BICRA: variants seen among roughly 807,000 people sequenced by gnomAD.
BICRA encodes the protein BRD4 interacting chromatin remodeling complex associated protein.
BICRA carries 31 observed loss-of-function variants against 96.9 expected under a neutral mutation model. The ratio of observed to expected loss-of-function variants is 0.32; its 90% CI spans 0.24 to 0.43. BICRA has a LOEUF of 0.43. Among genes scored for constraint, BICRA ranks in the 20% least tolerant of loss-of-function variants. The pLI is 1.00. For missense variants in BICRA, 2,283 were observed against 2,190.3 expected (o/e 1.04, Z -0.84); for synonymous variants, 1,350 against 1,071.8 (o/e 1.26, Z -5.07).
intron 1 of BICRA, among the ~76,000 whole-genome samples, chr19:47,621,971 ATT>A (rs780782517): frequency 7.8e-6 from 1 of 128,912 alleles, no homozygotes; most frequent in Non-Finnish European, 1.7e-5. Context: ...TTTGTACTTT[ATT>A]TTTTTTTTTT....
Position 47,694,296 on chromosome 19 carries a change from G to GCCCCCCCCCCCCCCCC in BICRA, c.2471_2472insCCCCCCCCCCCCCCCC (p.Gln826ProfsTer50). ...CCCTCAGAGCCACCCTTGCACCCTT[G>GCCCCCCCCCCCCCCCC]CCCCCCACCCCAGGCCCCCCCAACT... On this transcript the variant is annotated frameshift_variant, in exon 8 of 15. Coordinates refer to ENST00000594866, the MANE Select transcript of BICRA (RefSeq NM_001394372.1). LOFTEE classifies it high-confidence loss of function. 1.6e-6 allele frequency: 1 copy of GCCCCCCCCCCCCCCCC among 628,912 alleles called. No homozygotes were observed. The highest frequency in any genetic ancestry group is 1.9e-5 in the South Asian group (1 of 51,996). The allele number at this position is 628,912 out of a possible 1,614,324, so 39.0% of individuals were successfully genotyped here. A position where few individuals can be genotyped will look rare whatever the true frequency, so the allele number is the denominator to read the frequency against.
At chr19:47,677,953 A>G (rs961601258) in intron 5 of BICRA, among the ~76,000 whole-genome samples, 2 of 152,172 alleles carry the variant, frequency 1.3e-5, no homozygotes, top group Admixed American at 1.3e-4. Flanking sequence ...ATGTGGATAA[A>G]TGGATCCCAC....
rs1308549813 is a variant in BICRA, at chr19:47,626,709, C to A, written c.-108+17541C>A. Among the ~76,000 whole-genome samples, 3 of 136,030 alleles carry A rather than the reference C, an allele frequency of 2.2e-5. No homozygotes were observed. The South Asian group carries it at 7.2e-4, about 33-fold the overall frequency. The allele number at this position is 136,030 out of a possible 152,430, so 89.2% of individuals were successfully genotyped here. On this transcript the variant is annotated intron_variant, in intron 1 of 14. Coordinates refer to ENST00000594866, the MANE Select transcript of BICRA (RefSeq NM_001394372.1). ...AGGCATGAGCTACCACGTCCAGCTG[C>A]ATCCTGGGTTTTTTTTTTTTTTTTT...
chr19:47,661,702 C>T (rs764740212), intron 1 of BICRA: 1 of 152,088 alleles, frequency 6.6e-6, no homozygotes, highest in Non-Finnish European at 1.5e-5. Context: ...GAATAGTGGT[C>T]ATGGACAGGA....
At chr19:47,624,894 A>C (rs996172787) in intron 1 of BICRA, among the ~76,000 whole-genome samples, 7 of 147,510 alleles carry the variant, frequency 4.7e-5, no homozygotes, top group Non-Finnish European at 1.0e-4. Context: ...AGGTTTCACT[A>C]TGTTGCCCAG....
chr19:47,702,157 C>T lies in BICRA; in HGVS notation c.4425C>T (p.Arg1475=), dbSNP rs753655936. 6.4e-7 allele frequency: 1 copy of T among 1,563,190 alleles called. No individual in the cohort carries two copies. Among genetic ancestry groups the T allele is most frequent in the South Asian group, 1.2e-5 (1 of 85,992 alleles). ...CCGGGCTGCCCCCTGCCAAGCGGCG[C>T]AAGTCCGAGTCGCCCGACGTGGACC... ...EAPGLPPAKR[R]KSESPDVDQA... The change falls in exon 15 of 15, where the codon CGC becomes CGT. Residue 1475 remains arginine (R), a synonymous_variant. Transcript: ENST00000594866.
chr19:47,698,586 T>TGTGGTGGCTCCCCCTTCCCC lies in BICRA; in HGVS notation c.3249-48_3249-47insGTGGTGGCTCCCCCTTCCCC. Reference sequence around the variant, plus strand: ...AGGGACTTCCCCTGGCCCTCACCCGTCCCCCCCACCCTCCGCCGTGTGTGG... The same window carrying TGTGGTGGCTCCCCCTTCCCC: ...AGGGACTTCCCCTGGCCCTCACCCGTGTGGTGGCTCCCCCTTCCCCCCCCCCCACCCTCCGCCGTGTGTGG... On this transcript the variant is annotated intron_variant, in intron 11 of 14. Coordinates refer to ENST00000594866, the MANE Select transcript of BICRA (RefSeq NM_001394372.1). This position sits in a 1 kb window ranked among gnomAD's most constrained non-coding sequence, Gnocchi z 4.8. 1 of 716,714 alleles carries TGTGGTGGCTCCCCCTTCCCC rather than the reference T, an allele frequency of 1.4e-6. No individual in the cohort carries two copies. Among genetic ancestry groups the TGTGGTGGCTCCCCCTTCCCC allele is most frequent in the East Asian group, 2.9e-5 (1 of 34,894 alleles). 44.4% of individuals were successfully genotyped at this position (716,714 alleles called of 1,614,324 possible). A position where few individuals can be genotyped will look rare whatever the true frequency, so the allele number is the denominator to read the frequency against.
intron 7 of BICRA, among the ~76,000 whole-genome samples, chr19:47,686,857 C>A (rs1253794297): frequency 6.6e-6 from 1 of 152,030 alleles, no homozygotes; most frequent in Non-Finnish European, 1.5e-5. Flanking sequence ...ACTTACAGGC[C>A]CTGTGACCTT....
At position 47,698,523 on chromosome 19, in the gene BICRA, C is replaced by A; in HGVS notation, c.3249-111C>A. 1 of 678,284 alleles carries A rather than the reference C, an allele frequency of 1.5e-6. No individual in the cohort carries two copies. The highest frequency in any genetic ancestry group is 2.5e-5 in the East Asian group (1 of 40,084). The allele number at this position is 678,284 out of a possible 1,614,324, so 42.0% of individuals were successfully genotyped here. ...ACCACTGCCCAAGTATTCCCCTTCCCGCTGTTGTGTTCAGTTGCGGCCTGG... is the reference window on the plus strand; with the variant it reads ...ACCACTGCCCAAGTATTCCCCTTCCAGCTGTTGTGTTCAGTTGCGGCCTGG... On this transcript the variant is annotated intron_variant, in intron 11 of 14. Transcript: ENST00000594866. The surrounding 1 kb of genome is among the most constrained non-coding windows in gnomAD (Gnocchi z 4.8).
intron 6 of BICRA, among the ~76,000 whole-genome samples, chr19:47,681,588 C>T (rs113858723): frequency 6.6e-6 from 1 of 152,204 alleles, no homozygotes; most frequent in Admixed American, 6.5e-5. Context: ...AGGGTAGGCA[C>T]TGGCTGGGCT....
chr19:47,647,479 G>C (rs1972476845), intron 1 of BICRA, among the ~76,000 whole-genome samples: 1 of 152,108 alleles, frequency 6.6e-6, no homozygotes, highest in African/African-American at 2.4e-5. Flanking sequence ...GGTTGTTTCA[G>C]TTTAGGGGTG....
intron 1 of BICRA, among the ~76,000 whole-genome samples, chr19:47,618,511 G>T (rs190093201): frequency 1.4e-3 from 217 of 152,240 alleles, no homozygotes; most frequent in Non-Finnish European, 2.5e-3. Context: ...TACTCTTGAG[G>T]TTGGGGACAA....
rs377108443 is a variant in BICRA, at chr19:47,682,021, G to T, written c.2152G>T (p.Val718Leu). ...CTCCGCAGAGGGCCCCCACCTCTCCGTGCCTGCCTCGGTCATAGTCAGCGC... is the reference window on the plus strand; with the variant it reads ...CTCCGCAGAGGGCCCCCACCTCTCCTTGCCTGCCTCGGTCATAGTCAGCGC... Reference protein sequence around the residue: ...PLSAEGPHLSVPASVIVSAPP... With the variant: ...PLSAEGPHLSLPASVIVSAPP... Residue 718 changes from valine (V) to leucine (L), a missense_variant, in exon 7 of 15, where the codon GTG (valine) becomes TTG (leucine). Physicochemically the swap from Val to Leu is conservative, Grantham distance 32 (BLOSUM62 1). Transcript: ENST00000594866. The T allele has an allele frequency of 1.0e-5, 16 of 1,571,620 alleles. No individual in the cohort carries two copies. Among genetic ancestry groups the T allele is most frequent in the Non-Finnish European group, 1.2e-5 (14 of 1,162,630 alleles).
rs141802949 is a variant in BICRA at position 47,685,799 on chromosome 19, G to GCGCGCGCGCGCGCGCA, written c.2283+3648_2283+3649insGCGCGCGCGCGCGCAC. ...TGTGTGTGTGTGTGCGCGCGCGCGC[G>GCGCGCGCGCGCGCGCA]CATGCGTACATTTTCCCTTTGTGTT... On this transcript the variant is annotated intron_variant, in intron 7 of 14. Coordinates refer to ENST00000594866, the MANE Select transcript of BICRA (RefSeq NM_001394372.1). 6.0e-4 allele frequency among the ~76,000 whole-genome samples: 89 copies of GCGCGCGCGCGCGCGCA among 148,724 alleles called. 1 individual carries two copies. The highest frequency in any genetic ancestry group is 1.0e-3 in the Non-Finnish European group (67 of 66,886).
chr19:47,702,550 A>G lies in BICRA; in HGVS notation c.*135A>G. On this transcript the variant is annotated 3_prime_UTR_variant, in exon 15 of 15. Coordinates refer to ENST00000594866, the MANE Select transcript of BICRA (RefSeq NM_001394372.1). Reference sequence around the variant, plus strand: ...TCTTGCCTAAGTTATTTGAGTCACAAAGGCCTCCTTCCCTGCCGCCTGCTT... The same window carrying G: ...TCTTGCCTAAGTTATTTGAGTCACAGAGGCCTCCTTCCCTGCCGCCTGCTT... 1 of 1,046,726 alleles carries G rather than the reference A, an allele frequency of 9.6e-7. No homozygotes were observed. The highest frequency in any genetic ancestry group is 1.3e-6 in the Non-Finnish European group (1 of 775,342). The allele number at this position is 1,046,726 out of a possible 1,614,324, so 64.8% of individuals were successfully genotyped here. A position where few individuals can be genotyped will look rare whatever the true frequency, so the allele number is the denominator to read the frequency against.
At position 47,694,979 on chromosome 19, in the gene BICRA, T is replaced by A; in HGVS notation, c.2975T>A (p.Leu992His). 1 of 1,551,608 alleles carries A rather than the reference T, an allele frequency of 6.4e-7. No individual in the cohort carries two copies. Among genetic ancestry groups the A allele is most frequent in the African/African-American group, 1.4e-5 (1 of 72,268 alleles). ...APQTSTSLGP[L>H]TSPAASVLVS... ...CAGACCTCCACCAGCCTGGGGCCCCTCACCAGCCCCGCTGCGTCTGTGCTG... is the reference window on the plus strand; with the variant it reads ...CAGACCTCCACCAGCCTGGGGCCCCACACCAGCCCCGCTGCGTCTGTGCTG... Residue 992 changes from leucine (L) to histidine (H), a missense_variant, in exon 9 of 15, where the codon CTC (leucine) becomes CAC (histidine). Leu to His is a moderately conservative substitution (Grantham distance 99). Transcript: ENST00000594866.
At chr19:47,610,608 A>ACCCCCCCC (rs35080234) in intron 1 of BICRA, among the ~76,000 whole-genome samples, 2 of 135,064 alleles carry the variant, frequency 1.5e-5, no homozygotes, top group Non-Finnish European at 3.2e-5. Context: ...CCCTTTTGTC[A>ACCCCCCCC]CCCCCCCCCC....
In BICRA at chr19:47,680,800, G is replaced by A. The variant is rs768333823; in HGVS notation, c.1630G>A (p.Ala544Thr). Reference sequence around the variant, plus strand: ...GGCCCACAGCGCGCACATCCTCTCCGCCGCTCCCATCCAGGTGGGCCAGCC... The same window carrying A: ...GGCCCACAGCGCGCACATCCTCTCCACCGCTCCCATCCAGGTGGGCCAGCC... ...SGAHSAHILS[A>T]APIQVGQPAL... Residue 544 changes from alanine (A) to threonine (T), a missense_variant, in exon 6 of 15, where the codon GCC becomes ACC. Coordinates refer to ENST00000594866, the MANE Select transcript of BICRA (RefSeq NM_001394372.1). 1.4e-5 allele frequency: 22 copies of A among 1,608,570 alleles called. No homozygotes were observed. In the African/African-American group the frequency reaches 2.5e-4, roughly 19 times the overall value.
intron 1 of BICRA, among the ~76,000 whole-genome samples, chr19:47,610,477 TGGGGTCAGAGGCCGC>T (rs1361812270): frequency 6.6e-6 from 1 of 151,780 alleles, no homozygotes; most frequent in Non-Finnish European, 1.5e-5. Flanking sequence ...TCCCGGGAGG[TGGGGTCAGAGGCCGC>T]GGTGTCAGCT....
Sources: allele counts gnomAD v4.1 joint callset (sites outside exome capture counted in the v4.1 genomes callset), GRCh38; gene constraint gnomAD v4.1.1; non-coding constraint Gnocchi (gnomAD v3.1); transcripts MANE v1.5; gene names NCBI Gene and HGNC (gene_info 2026-07-23, HGNC 2026-07-21).